Variants in FMNL2 observed in about 807,000 individuals in gnomAD.
The protein encoded by FMNL2 is formin-like protein 2.
FMNL2 carries 51 observed loss-of-function variants against 130.2 expected under a neutral mutation model. The observed-to-expected ratio is 0.39, with a 90% confidence interval of 0.31 to 0.49. The LOEUF (loss-of-function observed/expected upper bound fraction) is 0.49, where lower values mean the gene tolerates loss of function less well. Ranked by LOEUF, FMNL2 falls within the 20% of genes least tolerant of loss-of-function variation. FMNL2 has a pLI of 0.85. For missense variants in FMNL2, 977 were observed against 1,316.2 expected (o/e 0.74, Z 3.99); for synonymous variants, 465 against 467.1 (o/e 1.00, Z 0.06).
chr2:152,589,134 AGGGTAACAGTGCCCAGAGCCAGAC>A, intron 9 of FMNL2, among the ~76,000 whole-genome samples: 1 of 151,100 alleles, frequency 6.6e-6, no homozygotes, highest in African/African-American at 2.4e-5. Flanking sequence ...GAAGTACAGC[AGGGTAACAGTGCCCAGAGCCAGAC>A]CAGATTGTCA....
intron 1 of FMNL2, among the ~76,000 whole-genome samples, chr2:152,386,095 G>C (rs557981171): frequency 6.6e-6 from 1 of 152,186 alleles, no homozygotes; most frequent in Non-Finnish European, 1.5e-5. Flanking sequence ...CATAGTTGGT[G>C]ACAATAGAAG....
chr2:152,441,504 C>T (rs1688043953), intron 1 of FMNL2, among the ~76,000 whole-genome samples: 1 of 151,940 alleles, frequency 6.6e-6, no homozygotes, highest in African/African-American at 2.4e-5. Flanking sequence ...CCACTGCACT[C>T]CAGCCTGGGT....
Position 152,456,125 on chromosome 2 carries a change from G to T in FMNL2, c.118-65818G>T, listed in dbSNP as rs371567063. On this transcript the variant is annotated intron_variant, in intron 1 of 25. Coordinates refer to ENST00000288670, the MANE Select transcript of FMNL2 (RefSeq NM_052905.4). ...CATTAGATAAATGCTAGAAGGGAAG[G>T]TTTGAGTCAGAAATTTTGTCCTTTC... Among the ~76,000 whole-genome samples the T allele has an allele frequency of 7.2e-5, 11 of 152,356 alleles. No individual in the cohort carries two copies. The East Asian group carries it at 1.2e-3, about 16-fold the overall frequency.
Position 152,422,105 on chromosome 2 carries a change from C to G in FMNL2, c.117+86385C>G, listed in dbSNP as rs77496199. 2.0e-3 allele frequency among the ~76,000 whole-genome samples: 305 copies of G among 152,286 alleles called. 2 individuals carry two copies. Among genetic ancestry groups the G allele is most frequent in the Non-Finnish European group, 3.5e-3 (240 of 68,020 alleles). ...AGGGCCTGAGCTCTTTAGGTCAAAC[C>G]TGCTGCCTCCCATGTTTAGGGGAAT... is the stretch of plus-strand genomic sequence containing the variant. On this transcript the variant is annotated intron_variant, in intron 1 of 25. Transcript: ENST00000288670.
At chr2:152,642,868 G>C (rs1683215202) in intron 25 of FMNL2, among the ~76,000 whole-genome samples, 2 of 151,956 alleles carry the variant, frequency 1.3e-5, no homozygotes, top group South Asian at 4.2e-4. Flanking sequence ...TCTTAGCCAG[G>C]CATGGTGGCT....
chr2:152,636,485 C>G lies in FMNL2; in HGVS notation c.2739C>G (p.Thr913=), dbSNP rs767344343. 9 of 1,611,242 alleles carry G rather than the reference C, an allele frequency of 5.6e-6. No individual in the cohort carries two copies. Among genetic ancestry groups the G allele is most frequent in the Non-Finnish European group, 7.6e-6 (9 of 1,178,738 alleles). Residue 913 remains threonine, a synonymous_variant, in exon 22 of 26, where the codon ACC becomes ACG. Coordinates refer to ENST00000288670, the MANE Select transcript of FMNL2 (RefSeq NM_052905.4). The part of the protein sequence containing the change: ...VKELQRGMDL[T]KREYTMHDHN... ...AGCTCCAGAGGGGAATGGACTTGACCAAGAGAGAGTACACCATGCATGACC... is the reference window on the plus strand; with the variant it reads ...AGCTCCAGAGGGGAATGGACTTGACGAAGAGAGAGTACACCATGCATGACC...
intron 25 of FMNL2, chr2:152,643,717 G>C: frequency 1.0e-6 from 1 of 985,198 alleles, no homozygotes; most frequent in Non-Finnish European, 1.2e-6. Context: ...TTCAATACAT[G>C]TATGTATTCA....
At chr2:152,524,755 T>C (rs1049756035) in intron 2 of FMNL2, among the ~76,000 whole-genome samples, 1 of 152,158 alleles carries the variant, frequency 6.6e-6, no homozygotes, top group African/African-American at 2.4e-5. Flanking sequence ...ACGTTTTGGT[T>C]TTGGAGCTTT....
At chr2:152,645,591 ATGGCTGAGGGTAATAC>A (rs1559038274) in intron 25 of FMNL2, 1 of 1,054,780 alleles carries the variant, frequency 9.5e-7, no homozygotes, top group East Asian at 5.9e-5. Flanking sequence ...TTTTCAATCT[ATGGCTGAGGGTAATAC>A]TGGTGAGAAT....
chr2:152,625,264 T>C (rs1681701533), intron 15 of FMNL2, 174 bp from the exon 16 acceptor site: 5 of 605,962 alleles, frequency 8.3e-6, no homozygotes, highest in Non-Finnish European at 1.3e-5. Flanking sequence ...TGACCTCAAA[T>C]GGCTCTGGCC....
At chr2:152,610,571 C>T (rs758329570) in intron 10 of FMNL2, among the ~76,000 whole-genome samples, 4 of 152,180 alleles carry the variant, frequency 2.6e-5, no homozygotes, top group South Asian at 4.1e-4. Context: ...TCTTCTATAA[C>T]GGGTTTTTAT....
chr2:152,443,900 G>A (rs1034876032), intron 1 of FMNL2, among the ~76,000 whole-genome samples: 3 of 152,110 alleles, frequency 2.0e-5, no homozygotes, highest in Admixed American at 2.0e-4. Context: ...TGCTGCTGGG[G>A]AATGCCAGGA....
chr2:152,472,236 A>G (rs1248720956), intron 1 of FMNL2, among the ~76,000 whole-genome samples: 1 of 152,208 alleles, frequency 6.6e-6, no homozygotes, highest in Non-Finnish European at 1.5e-5. Context: ...AGGGTCTTTA[A>G]GTACCTTGAG....
At chr2:152,387,622 T>G (rs1255963479) in intron 1 of FMNL2, among the ~76,000 whole-genome samples, 1 of 152,102 alleles carries the variant, frequency 6.6e-6, no homozygotes, top group African/African-American at 2.4e-5. Context: ...GAACTCCATG[T>G]CTGGTTGTTT....
At chr2:152,611,762 C>G (rs1698696901) in intron 11 of FMNL2, among the ~76,000 whole-genome samples, 157 bp downstream of exon 11, 1 of 152,250 alleles carries the variant, frequency 6.6e-6, no homozygotes, top group African/African-American at 2.4e-5. Context: ...GTGATGTACT[C>G]TGCCAGAGAT....
chr2:152,619,603 C>T lies in FMNL2; in HGVS notation c.1722C>T (p.Leu574=). 6.3e-7 allele frequency: 1 copy of T among 1,596,692 alleles called. No homozygotes were observed. The highest frequency in any genetic ancestry group is 8.5e-7 in the Non-Finnish European group (1 of 1,173,204). The change falls in exon 15 of 26, where the codon CTC becomes CTT. Residue 574 remains leucine (L), a synonymous_variant. Coordinates refer to ENST00000288670, the MANE Select transcript of FMNL2 (RefSeq NM_052905.4). ...CACCGCCCCCTCCGCCTCCTCCTCT[C>T]CCAGGCCCTGCAGCTGAGACTGTAC... ...PPPPPPPPPP[L]PGPAAETVPA... is the part of the protein sequence containing the mutation.
At chr2:152,511,481 T>C (rs969418193) in intron 1 of FMNL2, among the ~76,000 whole-genome samples, 7 of 152,244 alleles carry the variant, frequency 4.6e-5, no homozygotes, top group African/African-American at 1.7e-4. Context: ...TTTGAGGCTA[T>C]AATTTTGATC....
chr2:152,563,633 T>C (rs1014087665), intron 6 of FMNL2, among the ~76,000 whole-genome samples: 1 of 152,144 alleles, frequency 6.6e-6, no homozygotes, highest in African/African-American at 2.4e-5. Context: ...TTTTCCTCCT[T>C]CTCTCCCCTT....
intron 1 of FMNL2, among the ~76,000 whole-genome samples, chr2:152,444,368 A>G (rs926508898): frequency 9.2e-5 from 14 of 152,180 alleles, no homozygotes; most frequent in African/African-American, 3.4e-4. Flanking sequence ...TGACTATCCC[A>G]CAAGAACCAG....
Sources: gnomAD v4.1 joint callset for allele counts (sites outside exome capture counted in the v4.1 genomes callset) on GRCh38, gnomAD v4.1.1 for gene constraint, MANE v1.5 for transcripts, NCBI Gene and HGNC (gene_info 2026-07-23, HGNC 2026-07-21) for gene names.